The following PSMA6 variants were observed in gnomAD, a reference collection of about 807,000 sequenced individuals.
PSMA6 encodes the protein proteasome subunit alpha type-6.
For missense variants in PSMA6, 170 were observed against 294.8 expected (o/e 0.58, Z 3.10); for synonymous variants, 88 against 97.7 (o/e 0.90, Z 0.59).
intron 1 of PSMA6, among the ~76,000 whole-genome samples, chr14:35,296,369 C>T (rs919191169): frequency 1.2e-4 from 19 of 152,092 alleles, no homozygotes; most frequent in African/African-American, 2.2e-4. Flanking sequence ...CTCACTTGGT[C>T]GCCCAGGCTA....
chr14:35,308,219 CT>C, intron 2 of PSMA6, 131 bp downstream of exon 2: 7 of 1,219,004 alleles, frequency 5.7e-6, no homozygotes, highest in Non-Finnish European at 7.8e-6. Context: ...ATCGGGAGTT[CT>C]AGACCAGCGT....
At chr14:35,314,981 GTGTT>G (rs919729903) in intron 6 of PSMA6, 3 of 151,836 alleles carry the variant, frequency 2.0e-5, no homozygotes, top group African/African-American at 7.4e-5. Flanking sequence ...GTGTGTGTGT[GTGTT>G]CTTACTCACT....
intron 3 of PSMA6, chr14:35,310,236 C>T (rs2051917721): frequency 2.4e-6 from 1 of 424,784 alleles, no homozygotes. Context: ...GTCGCCCAGG[C>T]TGCTCCGCCT....
chr14:35,291,502 G>A (rs1258595445), upstream of PSMA6, among the ~76,000 whole-genome samples: 1 of 151,460 alleles, frequency 6.6e-6, no homozygotes, highest in East Asian at 2.0e-4. Context: ...TTACAGGCGT[G>A]AGCCACCGCG....
At chr14:35,301,271 G>A (rs972713030) in intron 1 of PSMA6, among the ~76,000 whole-genome samples, 23 of 152,216 alleles carry the variant, frequency 1.5e-4, no homozygotes, top group African/African-American at 5.1e-4. Flanking sequence ...TTGGGAGGCC[G>A]AGGCGGGTGG....
At chr14:35,289,004 G>A (rs1486525248), upstream of PSMA6, among the ~76,000 whole-genome samples, 1 of 152,134 alleles carries the variant, frequency 6.6e-6, no homozygotes, top group African/African-American at 2.4e-5. Flanking sequence ...TAGTGTTAGT[G>A]TAGTTTATGT....
At chr14:35,306,198 C>T (rs781589119) in intron 1 of PSMA6, among the ~76,000 whole-genome samples, 3 of 151,864 alleles carry the variant, frequency 2.0e-5, no homozygotes, top group Non-Finnish European at 4.4e-5. Flanking sequence ...CCTGGTGCTC[C>T]AGCCTAGGCA....
At chr14:35,314,498 G>T in intron 6 of PSMA6, 43 bp downstream of exon 6, 1 of 1,583,778 alleles carries the variant, frequency 6.3e-7, no homozygotes, top group Non-Finnish European at 8.6e-7. Flanking sequence ...AAAGGTGGAG[G>T]CGTGTGAGTC....
At chr14:35,308,606 G>A (rs1240008574) in intron 2 of PSMA6, among the ~76,000 whole-genome samples, 3 of 152,120 alleles carry the variant, frequency 2.0e-5, no homozygotes, top group Non-Finnish European at 2.9e-5. Flanking sequence ...AAACTTCATG[G>A]CGTGATTATA....
At chr14:35,282,379 C>T (rs567029369) in intron 1 of PSMA6, among the ~76,000 whole-genome samples, 48 of 151,894 alleles carry the variant, frequency 3.2e-4, no homozygotes, top group African/African-American at 1.0e-3. Context: ...GTACTACTGG[C>T]GCACTCTACC....
At chr14:35,278,674 T>G (rs759431075) in exon 1 of PSMA6, 1 of 1,534,848 alleles carries the variant, frequency 6.5e-7, no homozygotes, top group Admixed American at 2.0e-5. Context: ...CTCCACCTCA[T>G]GAAGTAGCTT....
At chr14:35,310,229 G>T (rs796448414) in intron 3 of PSMA6, 2 of 416,944 alleles carry the variant, frequency 4.8e-6, no homozygotes, top group Non-Finnish European at 9.3e-6. Flanking sequence ...TCACTTTGTC[G>T]CCCAGGCTGC....
intron 2 of PSMA6, 98 bp downstream of exon 2, chr14:35,308,186 C>T (rs967407677): frequency 6.8e-7 from 1 of 1,481,370 alleles, no homozygotes; most frequent in South Asian, 1.2e-5. Context: ...CTTTGGGAGG[C>T]TGAGGTGGGC....
chr14:35,286,795 G>A (rs1566548671), intron 1 of PSMA6, among the ~76,000 whole-genome samples: 1 of 152,092 alleles, frequency 6.6e-6, no homozygotes, highest in African/African-American at 2.4e-5. Context: ...AATGATAGTT[G>A]TGTGACTTCT....
At chr14:35,307,550 A>G (rs1193944025) in intron 1 of PSMA6, among the ~76,000 whole-genome samples, 1 of 152,144 alleles carries the variant, frequency 6.6e-6, no homozygotes, top group East Asian at 1.9e-4. Flanking sequence ...CCTGGCCAAC[A>G]CAGCGAAACC....
At chr14:35,314,867 C>G (rs1022460633) in intron 6 of PSMA6, 1 of 154,240 alleles carries the variant, frequency 6.5e-6, no homozygotes, top group Admixed American at 6.5e-5. Flanking sequence ...ATATGAGTTA[C>G]TGATATATGT....
intron 1 of PSMA6, among the ~76,000 whole-genome samples, chr14:35,304,371 G>T (rs1188628899): frequency 6.6e-6 from 1 of 152,176 alleles, no homozygotes; most frequent in Non-Finnish European, 1.5e-5. Context: ...GTGGATTTTG[G>T]AATCCATGGG....
chr14:35,296,573 C>T (rs1247027966), intron 1 of PSMA6, among the ~76,000 whole-genome samples: 1 of 152,096 alleles, frequency 6.6e-6, no homozygotes, highest in East Asian at 1.9e-4. Flanking sequence ...TCATGATCTG[C>T]CCACCTCGGC....
intron 1 of PSMA6, chr14:35,293,279 T>C (rs185665710): frequency 7.6e-5 from 24 of 317,288 alleles, no homozygotes; most frequent in African/African-American, 4.8e-4. Context: ...GTAGATGAGG[T>C]ACTGTGTACT....
Sources: gnomAD v4.1 joint callset for allele counts (sites outside exome capture counted in the v4.1 genomes callset) on GRCh38, gnomAD v4.1.1 for gene constraint, MANE v1.5 for transcripts, NCBI Gene and HGNC (gene_info 2026-07-23, HGNC 2026-07-21) for gene names.